Variants in FAM120A observed in about 807,000 individuals in gnomAD.
FAM120A encodes constitutive coactivator of PPAR-gamma-like protein 1.
In FAM120A, 15 loss-of-function variants were observed where a neutral mutation model predicts 109.7. The ratio of observed to expected loss-of-function variants is 0.14; its 90% CI spans 0.09 to 0.21. FAM120A has a LOEUF of 0.21. Ranked by LOEUF, FAM120A falls within the 10% of genes least tolerant of loss-of-function variation. The probability of loss-of-function intolerance (pLI) is 1.00; values close to 1 mark genes in which losing one functional copy is unlikely to be tolerated. For synonymous variants in FAM120A, 493 were observed against 572.8 expected (o/e 0.86, Z 1.99); for missense variants, 899 against 1,439.3 (o/e 0.62, Z 6.07).
intron 12 of FAM120A, among the ~76,000 whole-genome samples, chr9:93,552,438 T>C (rs1160428347): frequency 6.6e-6 from 1 of 152,234 alleles, no homozygotes; most frequent in Non-Finnish European, 1.5e-5. Flanking sequence ...GGGTCTTGCT[T>C]GTCTGGAGGT....
chr9:93,553,268 A>G (rs572109236), intron 12 of FAM120A, among the ~76,000 whole-genome samples: 2 of 152,348 alleles, frequency 1.3e-5, no homozygotes, highest in South Asian at 4.1e-4. Flanking sequence ...GTACCATTAT[A>G]GTATTTGTCC....
intron 3 of FAM120A, among the ~76,000 whole-genome samples, chr9:93,486,311 T>C (rs1310663842): frequency 6.6e-6 from 1 of 151,778 alleles, no homozygotes; most frequent in East Asian, 1.9e-4. Context: ...TGATATACCA[T>C]TGTGTGAATA....
At chr9:93,527,614 A>ATTTTTTTTTTTTTTTT (rs67894788) in intron 8 of FAM120A, among the ~76,000 whole-genome samples, 49 of 80,702 alleles carry the variant, frequency 6.1e-4, no homozygotes, top group East Asian at 1.3e-3. Flanking sequence ...TTTGTATTTA[A>ATTTTTTTTTTTTTTTT]TTTTTTTTTT....
In FAM120A at chr9:93,561,103, A is replaced by G. The variant is rs1338148436; in HGVS notation, c.2807-6A>G. The G allele has an allele frequency of 1.9e-6, 3 of 1,612,550 alleles. No individual in the cohort carries two copies. The South Asian group carries it at 3.3e-5, about 18-fold the overall frequency. On this transcript the variant is annotated splice_region_variant and splice_polypyrimidine_tract_variant and intron_variant, in intron 15 of 17. Coordinates refer to ENST00000277165, the MANE Select transcript of FAM120A (RefSeq NM_014612.5). ...GATTTTGTCTTTTTGTATATTTTTTATGCAGGAGTCCAACCTATACCTTCT... is the reference window on the plus strand; with the variant it reads ...GATTTTGTCTTTTTGTATATTTTTTGTGCAGGAGTCCAACCTATACCTTCT...
chr9:93,545,780 C>CTTTTTTTTTTTTTTTTTT lies in FAM120A; in HGVS notation c.2159+2318_2159+2335dup, dbSNP rs774150537. On this transcript the variant is annotated intron_variant, in intron 11 of 17. Coordinates refer to ENST00000277165, the MANE Select transcript of FAM120A (RefSeq NM_014612.5). ...GAAGACTGGCTGATGGGAAAGACTC[C>CTTTTTTTTTTTTTTTTTT]TTTTTTTTTTTTTTTTTTTTTTTTT... Among the ~76,000 whole-genome samples, 297 of 65,492 alleles carry CTTTTTTTTTTTTTTTTTT rather than the reference C, an allele frequency of 4.5e-3. 34 individuals are homozygous for CTTTTTTTTTTTTTTTTTT. Among genetic ancestry groups the CTTTTTTTTTTTTTTTTTT allele is most frequent in the Non-Finnish European group, 6.6e-3 (231 of 34,754 alleles). The allele number at this position is 65,492 out of a possible 152,430, so 43.0% of individuals were successfully genotyped here.
In FAM120A at chr9:93,558,617, T is replaced by C. The variant is rs1862372332; in HGVS notation, c.2705T>C (p.Val902Ala). 6.2e-7 allele frequency: 1 copy of C among 1,614,038 alleles called. No individual in the cohort carries two copies. Among genetic ancestry groups the C allele is most frequent in the African/African-American group, 1.3e-5 (1 of 74,924 alleles). ...CGFGGPYGET[V>A]ATGPYRAFRV... The stretch of plus-strand genomic sequence containing the variant: ...TTTGGAGGCCCCTATGGGGAAACGG[T>C]AGCAACAGGCCCTTACCGTGCCTTC... The change falls in exon 15 of 18, where the codon GTA becomes GCA. Residue 902 changes from valine to alanine, a missense_variant. By Grantham distance (64) the Val-to-Ala change is moderately conservative (BLOSUM62 0). This residue lies in a region of FAM120A where 129 missense variants were observed against 153.4 expected (regional missense o/e 0.84). Transcript: ENST00000277165.
intron 7 of FAM120A, among the ~76,000 whole-genome samples, chr9:93,518,482 G>T (rs75115091): frequency 0.03 from 4,523 of 152,274 alleles, 113 homozygotes; most frequent in Middle Eastern, 0.13. Flanking sequence ...GACCTACGTT[G>T]CCTTTTCAGG....
intron 1 of FAM120A, among the ~76,000 whole-genome samples, chr9:93,465,162 C>T: frequency 1.3e-5 from 2 of 152,298 alleles, no homozygotes; most frequent in Middle Eastern, 3.4e-3. Flanking sequence ...TAAATAACTG[C>T]CTTGTAAGTT....
Position 93,558,004 on chromosome 9 carries a change from T to A in FAM120A, c.2662T>A (p.Phe888Ile). The A allele has an allele frequency of 6.3e-7, 1 of 1,590,076 alleles. No individual in the cohort carries two copies. The highest frequency in any genetic ancestry group is 8.5e-7 in the Non-Finnish European group (1 of 1,175,134). The change falls in exon 14 of 18, where the codon TTT becomes ATT. Residue 888 changes from phenylalanine (F) to isoleucine (I), a missense_variant. Coordinates refer to ENST00000277165, the MANE Select transcript of FAM120A (RefSeq NM_014612.5). ...ACCCTCTCAGGGCAGGGGCAGAGGC[T>A]TTGCAGGTGAGTTGATTGGGACGTA... ...VPPSQGRGRG[F>I]AGVCGFGGPY...
At chr9:93,492,091 A>T (rs1367548301) in intron 3 of FAM120A, among the ~76,000 whole-genome samples, 1 of 152,100 alleles carries the variant, frequency 6.6e-6, no homozygotes, top group Non-Finnish European at 1.5e-5. Flanking sequence ...TCATGGACAA[A>T]CAAGTCTTGA....
chr9:93,471,155 T>C lies in FAM120A; in HGVS notation c.489T>C (p.Ile163=). The C allele has an allele frequency of 2.5e-6, 4 of 1,614,180 alleles. No individual in the cohort carries two copies. Among genetic ancestry groups the C allele is most frequent in the Non-Finnish European group, 3.4e-6 (4 of 1,180,032 alleles). The change falls in exon 2 of 18, where the codon ATT becomes ATC. Residue 163 remains isoleucine (I), a synonymous_variant. Transcript: ENST00000277165. ...TCGTTTGCCAGGTTGCACAGAGCAT[T>C]GAGGATCACCATCAGGAAGTGATTG... ...IRFHVKVAQS[I]EDHHQEVIGF... is the part of the protein sequence containing the mutation.
intron 3 of FAM120A, among the ~76,000 whole-genome samples, chr9:93,485,772 C>T (rs927071757): frequency 5.3e-5 from 8 of 149,572 alleles, no homozygotes; most frequent in South Asian, 4.4e-4. Context: ...AAGCCATGTC[C>T]GCTTCGGCAG....
At chr9:93,468,779 T>C (rs1858175128) in intron 1 of FAM120A, among the ~76,000 whole-genome samples, 1 of 152,250 alleles carries the variant, frequency 6.6e-6, no homozygotes, top group Non-Finnish European at 1.5e-5. Flanking sequence ...TTCTAATGTT[T>C]TTTATTTAGT....
chr9:93,464,753 C>T (rs998360305), intron 1 of FAM120A, among the ~76,000 whole-genome samples: 1 of 152,230 alleles, frequency 6.6e-6, no homozygotes, highest in African/African-American at 2.4e-5. Flanking sequence ...AGCAAGGAGG[C>T]AGCTCATAGT....
intron 1 of FAM120A, among the ~76,000 whole-genome samples, chr9:93,464,919 C>T (rs1857948860): frequency 6.6e-6 from 1 of 152,206 alleles, no homozygotes; most frequent in Non-Finnish European, 1.5e-5. Flanking sequence ...TTTTAACCCA[C>T]TTCTGAAATT....
At chr9:93,514,442 G>T (rs1397769374) in intron 5 of FAM120A, among the ~76,000 whole-genome samples, 1 of 152,212 alleles carries the variant, frequency 6.6e-6, no homozygotes, top group Non-Finnish European at 1.5e-5. Context: ...TCTGGGCTTG[G>T]TTTTCTTCCA....
chr9:93,516,375 A>G lies in FAM120A; in HGVS notation c.1418+106A>G, dbSNP rs554979427. The G allele has an allele frequency of 1.1e-5, 17 of 1,513,696 alleles. No homozygotes were observed. The Admixed American group carries it at 3.2e-4, about 29-fold the overall frequency. The allele number at this position is 1,513,696 out of a possible 1,614,324, so 93.8% of individuals were successfully genotyped here. ...GGTGTTTTGCTCAGAGATGTAGTTT[A>G]TTGCAGGTGGGTGATGGTCAGTCTG... is the stretch of plus-strand genomic sequence containing the variant. On this transcript the variant is annotated intron_variant, in intron 7 of 17. Transcript: ENST00000277165.
At chr9:93,507,524 C>T (rs1444419714) in intron 5 of FAM120A, among the ~76,000 whole-genome samples, 1 of 152,106 alleles carries the variant, frequency 6.6e-6, no homozygotes, top group East Asian at 1.9e-4. Flanking sequence ...TCATGGGTTG[C>T]AGCTTTGCTG....
At chr9:93,511,586 A>C (rs570257950) in intron 5 of FAM120A, among the ~76,000 whole-genome samples, 6 of 152,154 alleles carry the variant, frequency 3.9e-5, no homozygotes, top group Middle Eastern at 3.4e-3. Flanking sequence ...CCTTTCTATA[A>C]CTTTTTATCT....
Sources: gnomAD v4.1 joint callset for allele counts (sites outside exome capture counted in the v4.1 genomes callset) on GRCh38, gnomAD v4.1.1 for gene constraint, gnomAD v4.1.1 regional missense constraint, MANE v1.5 for transcripts, NCBI Gene and HGNC (gene_info 2026-07-23, HGNC 2026-07-21) for gene names.